Variants in KIDINS220 observed in about 807,000 individuals in gnomAD.
The protein encoded by KIDINS220 is kinase D-interacting substrate of 220 kDa.
In KIDINS220, 63 loss-of-function variants were observed where a neutral mutation model predicts 157.6. The ratio of observed to expected loss-of-function variants is 0.40; its 90% CI spans 0.33 to 0.49. The LOEUF (loss-of-function observed/expected upper bound fraction) is 0.49, where lower values mean the gene tolerates loss of function less well. Ranked by LOEUF, KIDINS220 falls within the 20% of genes least tolerant of loss-of-function variation. KIDINS220 has a pLI of 0.66. For synonymous variants in KIDINS220, 732 were observed against 783.6 expected (o/e 0.93, Z 1.10); for missense variants, 1,772 against 2,171.2 (o/e 0.82, Z 3.65).
At chr2:8,801,490 A>C (rs1674680275) in intron 8 of KIDINS220, among the ~76,000 whole-genome samples, 1 of 152,242 alleles carries the variant, frequency 6.6e-6, no homozygotes. Context: ...GGTACTAGGA[A>C]ACAAGACAGA....
At chr2:8,773,801 T>A (rs988571567) in intron 21 of KIDINS220, among the ~76,000 whole-genome samples, 2 of 152,114 alleles carry the variant, frequency 1.3e-5, no homozygotes, top group Non-Finnish European at 2.9e-5. Context: ...TACTTCCCAC[T>A]ATTCTCTTTT....
chr2:8,794,468 C>A (rs543006018), intron 11 of KIDINS220, among the ~76,000 whole-genome samples: 1 of 152,328 alleles, frequency 6.6e-6, no homozygotes, highest in East Asian at 1.9e-4. Context: ...AGCTCCATGA[C>A]CTTTGTCAAC....
At chr2:8,823,661 A>G (rs1396034781) in intron 2 of KIDINS220, among the ~76,000 whole-genome samples, 2 of 152,092 alleles carry the variant, frequency 1.3e-5, no homozygotes, top group Non-Finnish European at 2.9e-5. Flanking sequence ...TTGATGTGCT[A>G]TTTTTTCCTT....
At chr2:8,783,774 G>A (rs1672022993) in intron 17 of KIDINS220, among the ~76,000 whole-genome samples, 1 of 152,096 alleles carries the variant, frequency 6.6e-6, no homozygotes. Context: ...AGATCTATAT[G>A]AGAAAAACCA....
rs376700633 is a variant in KIDINS220 at position 8,800,417 on chromosome 2, T to G, written c.883A>C (p.Ile295Leu). 2 of 1,612,516 alleles carry G rather than the reference T, an allele frequency of 1.2e-6. No homozygotes were observed. Among genetic ancestry groups the G allele is most frequent in the East Asian group, 2.2e-5 (1 of 44,854 alleles). ...VRALLQKYAD[I>L]DIRGQDNKTA... is the part of the protein sequence containing the mutation. ...ACACATACCTGTCCTCTAATGTCTA[T>G]ATCAGCATATTTTTGGAGAAGCGCT... is the stretch of plus-strand genomic sequence containing the variant. Residue 295 changes from isoleucine (I) to leucine (L), a missense_variant, in exon 9 of 30, where the codon ATA (isoleucine) becomes CTA (leucine). By Grantham distance (5) the Ile-to-Leu change is conservative. Coordinates refer to ENST00000256707, the MANE Select transcript of KIDINS220 (RefSeq NM_020738.4).
rs555059629 is a variant in KIDINS220 at position 8,821,990 on chromosome 2, T to C, written c.109-3197A>G. Among the ~76,000 whole-genome samples, 8 of 152,296 alleles carry C rather than the reference T, an allele frequency of 5.3e-5. No individual in the cohort carries two copies. In the South Asian group the frequency reaches 1.7e-3, roughly 32 times the overall value. On this transcript the variant is annotated intron_variant, in intron 2 of 29. Transcript: ENST00000256707. Reference sequence around the variant, plus strand: ...CCAGCAAATTCCATGCCTATCTCCTTCTAGAAAACACAGGATTACATTCCA... The same window carrying C: ...CCAGCAAATTCCATGCCTATCTCCTCCTAGAAAACACAGGATTACATTCCA...
Position 8,779,830 on chromosome 2 carries a change from A to G in KIDINS220, c.2230-16T>C. On this transcript the variant is annotated splice_polypyrimidine_tract_variant and intron_variant, in intron 17 of 29. Transcript: ENST00000256707. ...ATTTAAGAACCTGTATTGCAAAGGAAGGTATAGAAAGCACTGAAGGAAGAT... is the reference window on the plus strand; with the variant it reads ...ATTTAAGAACCTGTATTGCAAAGGAGGGTATAGAAAGCACTGAAGGAAGAT... 1 of 1,613,144 alleles carries G rather than the reference A, an allele frequency of 6.2e-7. No homozygotes were observed. The highest frequency in any genetic ancestry group is 1.1e-5 in the South Asian group (1 of 91,056).
At position 8,788,732 on chromosome 2, in the gene KIDINS220, T is replaced by C. The variant is rs764748480; in HGVS notation, c.1702A>G (p.Ile568Val). ...TTAAGGAGGAGTTCCAAATATCCAA[T>C]ATGTCTTGCCAATCTAGTGCTGAGG... ...WVLSTRLARH[I>V]GYLELLLKLM... is the part of the protein sequence containing the mutation. Residue 568 changes from isoleucine to valine, a missense_variant, in exon 15 of 30, where the codon ATT (isoleucine) becomes GTT (valine). By Grantham distance (29) the Ile-to-Val change is conservative. Transcript: ENST00000256707. 1 of 1,614,118 alleles carries C rather than the reference T, an allele frequency of 6.2e-7. No homozygotes were observed. The highest frequency in any genetic ancestry group is 1.1e-5 in the South Asian group (1 of 91,084).
chr2:8,803,336 T>A (rs895017023), intron 7 of KIDINS220, among the ~76,000 whole-genome samples: 3 of 152,188 alleles, frequency 2.0e-5, no homozygotes, highest in Non-Finnish European at 4.4e-5. Flanking sequence ...TGAAAATACA[T>A]TAATGATCTT....
rs1259725486 is a variant in KIDINS220, at chr2:8,793,899, A to G, written c.1187T>C (p.Leu396Ser). 1 of 1,614,090 alleles carries G rather than the reference A, an allele frequency of 6.2e-7. No individual in the cohort carries two copies. The highest frequency in any genetic ancestry group is 8.5e-7 in the Non-Finnish European group (1 of 1,179,982). The part of the protein sequence containing the change: ...LLLRNPKDGR[L>S]LYRPNKAGET... ...GCCTGCTTTGTTGGGCCTATAAAGT[A>G]ATCGCCCATCTTTGGGATTTCTTAA... The change falls in exon 12 of 30, where the codon TTA becomes TCA. Residue 396 changes from leucine (L) to serine (S), a missense_variant. Around this residue, in one of 3 missense-constraint regions of KIDINS220, gnomAD observed 725 missense variants for 1,017.1 expected, o/e 0.71. Transcript: ENST00000256707.
chr2:8,813,226 T>A lies in KIDINS220; in HGVS notation c.405+11A>T. 6.3e-7 allele frequency: 1 copy of A among 1,595,696 alleles called. No individual in the cohort carries two copies. The highest frequency in any genetic ancestry group is 1.1e-5 in the South Asian group (1 of 88,132). The stretch of plus-strand genomic sequence containing the variant: ...CTTATAATACAAACAAATTTTTTTG[T>A]TAATGCTTACCAGACCAGTGACACT... On this transcript the variant is annotated intron_variant, in intron 5 of 29. Coordinates refer to ENST00000256707, the MANE Select transcript of KIDINS220 (RefSeq NM_020738.4).
chr2:8,825,553 G>A (rs1009071345), intron 2 of KIDINS220, among the ~76,000 whole-genome samples: 2 of 151,964 alleles, frequency 1.3e-5, no homozygotes, highest in African/African-American at 4.8e-5. Flanking sequence ...AGATATATAT[G>A]TAAGCAAATA....
At chr2:8,722,052 C>T (rs1662987854), downstream of KIDINS220, 1 of 152,084 alleles carries the variant, frequency 6.6e-6, no homozygotes, top group Non-Finnish European at 1.5e-5. Context: ...GAATATAAAT[C>T]ATCCCGAGCC....
rs370341892 is a variant in KIDINS220, at chr2:8,747,934, G to A, written c.3481C>T (p.Arg1161Cys). Reference protein sequence around the residue: ...YPGGSQHLISRPSVKTSLPRD... With the variant: ...YPGGSQHLISCPSVKTSLPRD... Reference sequence around the variant, plus strand: ...GGCAAACTCGTTTTTACTGATGGACGTGAGATGAGATGTTGGGAGCCGCCA... The same window carrying A: ...GGCAAACTCGTTTTTACTGATGGACATGAGATGAGATGTTGGGAGCCGCCA... Residue 1161 changes from arginine (R) to cysteine (C), a missense_variant, in exon 25 of 30, where the codon CGT (arginine) becomes TGT (cysteine). Physicochemically the swap from Arg to Cys is radical, Grantham distance 180. Transcript: ENST00000256707. 1.4e-5 allele frequency: 23 copies of A among 1,605,682 alleles called. No homozygotes were observed. The highest frequency in any genetic ancestry group is 2.2e-5 in the South Asian group (2 of 89,768).
rs200360669 is a variant in KIDINS220, at chr2:8,800,444, G to A, written c.856C>T (p.Arg286Ter). The change falls in exon 9 of 30, where the codon CGA becomes TGA. Residue 286 changes from arginine (R) to a stop codon, truncating the protein, a stop_gained. Transcript: ENST00000256707. LOFTEE classifies it high-confidence loss of function. ...TCAGCATATTTTTGGAGAAGCGCTC[G>A]AACAATTTCAACATGACCACCTCTG... ...AVRGGHVEIV[R>*]ALLQKYADID... 3.1e-6 allele frequency: 5 copies of A among 1,613,316 alleles called. No individual in the cohort carries two copies. Among genetic ancestry groups the A allele is most frequent in the Non-Finnish European group, 2.5e-6 (3 of 1,179,748 alleles).
intron 11 of KIDINS220, among the ~76,000 whole-genome samples, chr2:8,796,049 C>T (rs919407001): frequency 1.2e-4 from 18 of 152,144 alleles, no homozygotes; most frequent in African/African-American, 4.1e-4. Context: ...GAAACATAAA[C>T]ACATTGACTC....
chr2:8,734,459 A>C (rs1490587137), intron 28 of KIDINS220, among the ~76,000 whole-genome samples, 196 bp downstream of exon 28: 1 of 152,224 alleles, frequency 6.6e-6, no homozygotes, highest in Non-Finnish European at 1.5e-5. Context: ...AAGGCTGCCA[A>C]GTGCTGCTGT....
intron 12 of KIDINS220, among the ~76,000 whole-genome samples, chr2:8,793,070 T>A (rs1298240614): frequency 6.6e-6 from 1 of 152,172 alleles, no homozygotes; most frequent in Non-Finnish European, 1.5e-5. Flanking sequence ...TGGAGGGTCA[T>A]TTAAACAATT....
intron 17 of KIDINS220, among the ~76,000 whole-genome samples, chr2:8,784,792 A>G (rs2148240079): frequency 6.6e-6 from 1 of 152,364 alleles, no homozygotes; most frequent in South Asian, 2.1e-4. Flanking sequence ...GTGGAGCAAC[A>G]GGAGCCTCAT....
Sources: allele counts gnomAD v4.1 joint callset (sites outside exome capture counted in the v4.1 genomes callset), GRCh38; gene constraint gnomAD v4.1.1; regional missense constraint gnomAD v4.1.1; transcripts MANE v1.5; gene names NCBI Gene and HGNC (gene_info 2026-07-23, HGNC 2026-07-21).